Variants in EPCAM observed in about 807,000 individuals in gnomAD.
EPCAM encodes epithelial cell adhesion molecule, also known as adenocarcinoma-associated antigen.
A neutral mutation model predicts 40.0 loss-of-function variants in EPCAM; 39 were observed. That is an observed-to-expected ratio of 0.98 (90% CI 0.76 to 1.27). The LOEUF is 1.27. Among genes scored for constraint, EPCAM ranks in the 50% most tolerant of loss-of-function variants. EPCAM has a pLI of 0.00. For missense variants in EPCAM, 503 were observed against 381.2 expected, an observed-to-expected ratio of 1.32 and a Z score of -2.66; for synonymous variants, 168 against 132.3, an observed-to-expected ratio of 1.27 and a Z score of -1.85.
At position 47,373,914 on chromosome 2, in the gene EPCAM, T is replaced by C; in HGVS notation, c.291T>C (p.Pro97=). ...ALQNNDGLYD[P]DCDESGLFKA... ...AGAACAATGATGGGCTTTATGATCC[T>C]GACTGCGATGAGAGCGGGCTCTTTA... The change falls in exon 3 of 9, where the codon CCT becomes CCC. Residue 97 remains proline, a synonymous_variant. Transcript: ENST00000263735. 1 of 1,614,148 alleles carries C rather than the reference T, an allele frequency of 6.2e-7. No individual in the cohort carries two copies. Among genetic ancestry groups the C allele is most frequent in the South Asian group, 1.1e-5 (1 of 91,082 alleles).
At chr2:47,375,142 C>G in intron 3 of EPCAM, 92 bp from the exon 4 acceptor site, 1 of 956,278 alleles carries the variant, frequency 1.0e-6, no homozygotes, top group Non-Finnish European at 1.7e-6. Context: ...TCTCTTAGTC[C>G]TTATAATTCG....
chr2:47,381,319 C>T (rs1671582691), intron 7 of EPCAM, among the ~76,000 whole-genome samples: 1 of 147,144 alleles, frequency 6.8e-6, no homozygotes, highest in Admixed American at 6.9e-5. Context: ...TCACTTGAAC[C>T]CAGGAGGTGG....
intron 5 of EPCAM, chr2:47,377,859 A>C: frequency 2.4e-6 from 1 of 425,124 alleles, no homozygotes; most frequent in Non-Finnish European, 4.7e-6. Flanking sequence ...AGAAGCTTGA[A>C]TAGTGTGACG....
intron 7 of EPCAM, among the ~76,000 whole-genome samples, chr2:47,384,052 T>G (rs1339219358): frequency 6.6e-6 from 1 of 152,096 alleles, no homozygotes; most frequent in African/African-American, 2.4e-5. Flanking sequence ...GTTTGTTTGT[T>G]TCACTTGTCG....
intron 1 of EPCAM, among the ~76,000 whole-genome samples, chr2:47,371,599 C>T (rs762764837): frequency 6.6e-6 from 1 of 152,218 alleles, no homozygotes; most frequent in Non-Finnish European, 1.5e-5. Context: ...GGACTACGTA[C>T]TTAATGTTAA....
Position 47,375,866 on chromosome 2 carries a change from C to T in EPCAM, c.491+567C>T, listed in dbSNP as rs140524726. Among the ~76,000 whole-genome samples the T allele has an allele frequency of 3.9e-5, 6 of 151,964 alleles. No individual in the cohort carries two copies. The East Asian group carries it at 1.2e-3, about 29-fold the overall frequency. On this transcript the variant is annotated intron_variant, in intron 4 of 8. Coordinates refer to ENST00000263735, the MANE Select transcript of EPCAM (RefSeq NM_002354.3). ...GACTACAGGTGCCTGCCACTACGCC[C>T]TGCTAATTTTTGTAGTTTTAGTAGA...
rs1294456118 is a variant in EPCAM, at chr2:47,379,002, A to C, written c.605A>C (p.Lys202Thr). 32 of 1,606,322 alleles carry C rather than the reference A, an allele frequency of 2.0e-5. No homozygotes were observed. Among genetic ancestry groups the C allele is most frequent in the Non-Finnish European group, 2.6e-5 (31 of 1,173,128 alleles). Residue 202 changes from lysine to threonine, a missense_variant, in exon 6 of 9, where the codon AAA becomes ACA. Coordinates refer to ENST00000263735, the MANE Select transcript of EPCAM (RefSeq NM_002354.3). ...GATCTGGTTCAAAATTCTTCTCAAA[A>C]AACTCAGAATGATGTGGACATAGCT... is the stretch of plus-strand genomic sequence containing the variant. ...TIDLVQNSSQ[K>T]TQNDVDIADV...
intron 2 of EPCAM, 46 bp from the exon 3 acceptor site, chr2:47,373,762 A>G: frequency 3.1e-6 from 5 of 1,612,942 alleles, no homozygotes; most frequent in Non-Finnish European, 4.2e-6. Flanking sequence ...TCCCGTAATC[A>G]TGAAATCAGT....
intron 5 of EPCAM, among the ~76,000 whole-genome samples, chr2:47,378,123 C>T (rs548003875): frequency 1.3e-5 from 2 of 151,826 alleles, no homozygotes; most frequent in African/African-American, 4.8e-5. Flanking sequence ...CCCAGCTACT[C>T]GGGAGGCTTG....
chr2:47,381,853 A>G (rs76523857), intron 7 of EPCAM, among the ~76,000 whole-genome samples: 4,087 of 152,256 alleles, frequency 0.027, 80 homozygotes, highest in Non-Finnish European at 0.037. Flanking sequence ...TGCAACCTCC[A>G]ATTCCTGGAC....
At chr2:47,381,303 G>T (rs71423960) in intron 7 of EPCAM, among the ~76,000 whole-genome samples, 11 of 149,434 alleles carry the variant, frequency 7.4e-5, no homozygotes, top group Admixed American at 4.7e-4. Context: ...GGCTGAGGCA[G>T]GAGAATCACT....
At chr2:47,381,248 T>G (rs1256611664) in intron 7 of EPCAM, among the ~76,000 whole-genome samples, 8 of 150,592 alleles carry the variant, frequency 5.3e-5, no homozygotes, top group Non-Finnish European at 1.2e-4. Context: ...AATACAAAAT[T>G]ATCCGGGCAT....
At chr2:47,386,202 C>G (rs1416422748) in intron 8 of EPCAM, among the ~76,000 whole-genome samples, 1 of 152,098 alleles carries the variant, frequency 6.6e-6, no homozygotes, top group East Asian at 1.9e-4. Context: ...TGATCTGAGA[C>G]AAACACTAAT....
intron 5 of EPCAM, among the ~76,000 whole-genome samples, chr2:47,378,365 C>T (rs2103755971): frequency 6.7e-6 from 1 of 149,478 alleles, no homozygotes; most frequent in South Asian, 2.1e-4. Context: ...GCAATGGCGC[C>T]ATCTCGGCTC....
chr2:47,385,159 C>T lies in EPCAM; in HGVS notation c.859-7C>T, dbSNP rs72882786. The T allele has an allele frequency of 3.9e-3, 6,285 of 1,609,448 alleles. 243 individuals are homozygous for T. The African/African-American group carries it at 0.076, about 20-fold the overall frequency. ...CCTAAAACAATAGTTGTCTTTCTTC[C>T]ACTCAGGTTATTTCCAGAAAGAAGA... On this transcript the variant is annotated splice_polypyrimidine_tract_variant and splice_region_variant and intron_variant, in intron 7 of 8. Transcript: ENST00000263735.
intron 5 of EPCAM, 110 bp downstream of exon 5, chr2:47,377,187 A>T (rs111992740): frequency 1.3e-6 from 1 of 793,510 alleles, no homozygotes; most frequent in East Asian, 2.4e-5. Context: ...TACTGGAGCA[A>T]CAGTTTCGGA....
Position 47,377,013 on chromosome 2 carries a change from G to A in EPCAM, c.492-1G>A, listed in dbSNP as rs199731885. 2 of 1,596,488 alleles carry A rather than the reference G, an allele frequency of 1.3e-6. No homozygotes were observed. Among genetic ancestry groups the A allele is most frequent in the African/African-American group, 1.3e-5 (1 of 74,638 alleles). On this transcript the variant is annotated splice_acceptor_variant, in intron 4 of 8. Transcript: ENST00000263735. LOFTEE classifies it high-confidence loss of function. The stretch of plus-strand genomic sequence containing the variant: ...TAATACAGATTTTAAATTCTTTACA[G>A]TGCACTTCAGAAGGAGATCACAACG...
chr2:47,379,024 A>T lies in EPCAM; in HGVS notation c.627A>T (p.Ile209=), dbSNP rs2103757208. 1 of 1,596,244 alleles carries T rather than the reference A, an allele frequency of 6.3e-7. No homozygotes were observed. The highest frequency in any genetic ancestry group is 8.6e-7 in the Non-Finnish European group (1 of 1,163,894). ...SSQKTQNDVD[I]ADVAYYFEKD... ...AAAAAACTCAGAATGATGTGGACAT[A>T]GCTGATGTGGCTTATTATTTTGAAA... Residue 209 remains isoleucine (I), a synonymous_variant, in exon 6 of 9, where the codon ATA becomes ATT. Transcript: ENST00000263735.
chr2:47,375,358 T>A, intron 4 of EPCAM, 59 bp downstream of exon 4: 1 of 1,094,572 alleles, frequency 9.1e-7, no homozygotes, highest in Non-Finnish European at 1.4e-6. Flanking sequence ...TCTTCCATCC[T>A]ACACCATTAG....
Sources: allele counts gnomAD v4.1 joint callset (sites outside exome capture counted in the v4.1 genomes callset), GRCh38; gene constraint gnomAD v4.1.1; transcripts MANE v1.5; gene names NCBI Gene and HGNC (gene_info 2026-07-23, HGNC 2026-07-21).